GPATCH8: variants seen among roughly 807,000 people sequenced by gnomAD.
The protein encoded by GPATCH8 is G patch domain-containing protein 8.
Under a neutral mutation model 118.3 loss-of-function variants are expected in GPATCH8, and 18 were observed. The ratio of observed to expected loss-of-function variants is 0.15; its 90% confidence interval spans 0.11 to 0.23. GPATCH8 has a LOEUF of 0.23. GPATCH8 is among the 10% of genes least tolerant of loss of function. The pLI is 1.00. For synonymous variants in GPATCH8, 659 were observed against 684.7 expected (o/e 0.96, Z 0.59); for missense variants, 1,631 against 1,873.8 (o/e 0.87, Z 2.39).
chr17:44,427,340 T>A (rs1016938658), intron 5 of GPATCH8, among the ~76,000 whole-genome samples: 1 of 151,844 alleles, frequency 6.6e-6, no homozygotes, highest in Non-Finnish European at 1.5e-5. Context: ...TACATATATA[T>A]ATAAATAATT....
chr17:44,469,435 T>G (rs907606077), intron 2 of GPATCH8, among the ~76,000 whole-genome samples: 2 of 152,126 alleles, frequency 1.3e-5, no homozygotes, highest in Non-Finnish European at 2.9e-5. Flanking sequence ...AGGAAAAAAT[T>G]TACTTTATTG....
chr17:44,438,743 G>T (rs2050593438), intron 3 of GPATCH8: 1 of 152,492 alleles, frequency 6.6e-6, no homozygotes, highest in Non-Finnish European at 1.5e-5. Context: ...CATTTGTTAG[G>T]CAGAAACCAT....
At chr17:44,444,480 GA>G (rs1166059602) in intron 3 of GPATCH8, among the ~76,000 whole-genome samples, 4 of 147,296 alleles carry the variant, frequency 2.7e-5, no homozygotes, top group South Asian at 2.1e-4. Flanking sequence ...TTAGTTTAAA[GA>G]AAAAAAAAAG....
chr17:44,471,979 C>CTT (rs895194636), intron 2 of GPATCH8, among the ~76,000 whole-genome samples: 1 of 145,174 alleles, frequency 6.9e-6, no homozygotes, highest in Non-Finnish European at 1.5e-5. Flanking sequence ...GTCAATACTT[C>CTT]TTTTTTTTTT....
intron 1 of GPATCH8, among the ~76,000 whole-genome samples, chr17:44,480,645 G>A (rs1461007057): frequency 6.6e-6 from 1 of 151,108 alleles, no homozygotes; most frequent in Non-Finnish European, 1.5e-5. Flanking sequence ...GCTTGAACCC[G>A]GAAGGAGGAG....
intron 6 of GPATCH8, among the ~76,000 whole-genome samples, chr17:44,414,079 A>G (rs183094925): frequency 0.11 from 13,684 of 129,762 alleles, 1,030 homozygotes; most frequent in African/African-American, 0.24. Flanking sequence ...ATATATATAT[A>G]TGTGTGTGTA....
chr17:44,485,227 C>G (rs1167975529), intron 1 of GPATCH8, among the ~76,000 whole-genome samples: 1 of 152,118 alleles, frequency 6.6e-6, no homozygotes, highest in African/African-American at 2.4e-5. Context: ...CTTCAGCCCC[C>G]CAAGTGGCTG....
intron 1 of GPATCH8, among the ~76,000 whole-genome samples, chr17:44,478,471 C>A (rs535633468): frequency 2.0e-5 from 3 of 151,912 alleles, no homozygotes; most frequent in Non-Finnish European, 4.4e-5. Flanking sequence ...GGCAACATAG[C>A]GAGCAAGACC....
chr17:44,428,480 G>A (rs2050170225), intron 5 of GPATCH8, among the ~76,000 whole-genome samples: 1 of 149,044 alleles, frequency 6.7e-6, no homozygotes, highest in Non-Finnish European at 1.5e-5. Context: ...GCAACAGAGT[G>A]AGACTCCATC....
intron 1 of GPATCH8, among the ~76,000 whole-genome samples, chr17:44,482,338 C>G (rs1321571706): frequency 6.6e-6 from 1 of 151,784 alleles, no homozygotes; most frequent in African/African-American, 2.4e-5. Flanking sequence ...CTTTGGGAGG[C>G]CAAGACAGGT....
chr17:44,497,579 C>A (rs1159986859), intron 1 of GPATCH8, among the ~76,000 whole-genome samples: 1 of 151,788 alleles, frequency 6.6e-6, no homozygotes, highest in South Asian at 2.1e-4. Context: ...CAGAGTGAGA[C>A]CTTGTCTCAA....
At chr17:44,460,462 T>C (rs753551010) in intron 3 of GPATCH8, among the ~76,000 whole-genome samples, 10 of 152,196 alleles carry the variant, frequency 6.6e-5, no homozygotes, top group Non-Finnish European at 1.5e-4. Context: ...TTTAATATCC[T>C]GCCACAGATA....
chr17:44,464,137 C>T (rs979062401), intron 3 of GPATCH8, among the ~76,000 whole-genome samples: 1 of 152,088 alleles, frequency 6.6e-6, no homozygotes, highest in Non-Finnish European at 1.5e-5. Flanking sequence ...CTAAATAGCA[C>T]AAAGAAAGCA....
At chr17:44,465,101 T>C (rs200188699) in intron 2 of GPATCH8, 1 of 87,244 alleles carries the variant, frequency 1.1e-5, no homozygotes, top group South Asian at 3.0e-4. Flanking sequence ...AAAAATAATA[T>C]ATATAATATA....
chr17:44,410,159 G>C (rs867135918), intron 6 of GPATCH8, among the ~76,000 whole-genome samples: 1 of 152,114 alleles, frequency 6.6e-6, no homozygotes, highest in African/African-American at 2.4e-5. Flanking sequence ...TCAGAGTCAG[G>C]TTTTCCAAAA....
At chr17:44,483,485 G>A (rs1968504283) in intron 1 of GPATCH8, among the ~76,000 whole-genome samples, 1 of 151,270 alleles carries the variant, frequency 6.6e-6, no homozygotes, top group East Asian at 2.0e-4. Context: ...TCCTGACCTT[G>A]TGATCTGCCC....
At chr17:44,422,987 G>A (rs1173959756) in intron 6 of GPATCH8, among the ~76,000 whole-genome samples, 2 of 151,698 alleles carry the variant, frequency 1.3e-5, no homozygotes, top group African/African-American at 2.4e-5. Flanking sequence ...GAATGTCCAC[G>A]GCCGGGCGCA....
intron 5 of GPATCH8, among the ~76,000 whole-genome samples, chr17:44,427,624 G>T (rs1280727287): frequency 2.0e-5 from 3 of 151,966 alleles, no homozygotes; most frequent in South Asian, 4.1e-4. Context: ...ATTTGAGTTT[G>T]CTTACTTCTG....
In GPATCH8 at chr17:44,433,848, G is replaced by C. The variant is rs115764104; in HGVS notation, c.348+1217C>G. ...AGAGTAATGAAAATGTTTTAAAGAA[G>C]AAAGAGTATGCCAGGCGCAGTGGCT... On this transcript the variant is annotated intron_variant, in intron 5 of 7. Coordinates refer to ENST00000591680, the MANE Select transcript of GPATCH8 (RefSeq NM_001002909.4). Among the ~76,000 whole-genome samples, 709 of 152,230 alleles carry C rather than the reference G, an allele frequency of 4.7e-3. 5 individuals are homozygous for C. The highest frequency in any genetic ancestry group is 0.016 in the African/African-American group (682 of 41,526).
Sources: gnomAD v4.1 joint callset for allele counts (sites outside exome capture counted in the v4.1 genomes callset) on GRCh38, gnomAD v4.1.1 for gene constraint, MANE v1.5 for transcripts, NCBI Gene and HGNC (gene_info 2026-07-23, HGNC 2026-07-21) for gene names.